The following CSMD1 variants were observed in gnomAD, a reference collection of about 807,000 sequenced individuals.
CSMD1 encodes the protein CUB and sushi domain-containing protein 1.
In CSMD1, 213 loss-of-function variants were observed where a neutral mutation model predicts 417.5. The ratio of observed to expected loss-of-function variants is 0.51; its 90% CI spans 0.46 to 0.57. The LOEUF is 0.57. Ranked by LOEUF, CSMD1 falls within the 20% of genes least tolerant of loss-of-function variation. The pLI is 0.00. For synonymous variants in CSMD1, 2,862 were observed against 1,736.8 expected (o/e 1.65, Z -16.11); for missense variants, 6,923 against 4,529.7 (o/e 1.53, Z -15.17).
intron 51 of CSMD1, among the ~76,000 whole-genome samples, chr8:3,026,201 G>C (rs540008246): frequency 2.6e-5 from 4 of 152,302 alleles, no homozygotes; most frequent in East Asian, 3.9e-4. Flanking sequence ...CTGGTGGGGT[G>C]GGGGACAGAG....
intron 5 of CSMD1, among the ~76,000 whole-genome samples, chr8:3,887,751 T>C (rs145442681): frequency 6.6e-6 from 1 of 152,348 alleles, no homozygotes; most frequent in East Asian, 1.9e-4. Context: ...CTCAGATTAC[T>C]GTAATATCTC....
intron 7 of CSMD1, among the ~76,000 whole-genome samples, chr8:3,671,556 TG>T (rs1240521016): frequency 0.053 from 531 of 10,098 alleles, 91 homozygotes; most frequent in South Asian, 0.066. Flanking sequence ...ATCATATATA[TG>T]ATCATATATA....
rs549429844 is a variant in CSMD1, at chr8:4,487,489, A to C, written c.303-67424T>G. Among the ~76,000 whole-genome samples, 19 of 152,324 alleles carry C rather than the reference A, an allele frequency of 1.2e-4. No homozygotes were observed. In the East Asian group the frequency reaches 3.3e-3, roughly 26 times the overall value. On this transcript the variant is annotated intron_variant, in intron 2 of 69. Transcript: ENST00000635120. ...TTTCATCCATGTCCCTACAAAGGAC[A>C]TGAAGTCATCATATTTTATGGCTGC...
chr8:4,989,888 G>A (rs1266105163), intron 1 of CSMD1, among the ~76,000 whole-genome samples: 1 of 152,172 alleles, frequency 6.6e-6, no homozygotes, highest in Non-Finnish European at 1.5e-5. Flanking sequence ...TTAAAGCTGG[G>A]TTGGTGTTTG....
At chr8:4,428,480 C>T (rs1256110075) in intron 2 of CSMD1, among the ~76,000 whole-genome samples, 3 of 152,142 alleles carry the variant, frequency 2.0e-5, no homozygotes, top group African/African-American at 7.2e-5. Flanking sequence ...AAAAAGGCTG[C>T]ATGCCTGGCA....
intron 8 of CSMD1, among the ~76,000 whole-genome samples, chr8:3,601,480 G>A (rs1801358569): frequency 6.6e-6 from 1 of 152,146 alleles, no homozygotes; most frequent in African/African-American, 2.4e-5. Flanking sequence ...TATCACGGAT[G>A]ACATACACCA....
chr8:4,273,253 A>C (rs1804714400), intron 3 of CSMD1, among the ~76,000 whole-genome samples: 1 of 152,152 alleles, frequency 6.6e-6, no homozygotes, highest in African/African-American at 2.4e-5. Flanking sequence ...AAAGGCAATG[A>C]GCATATTTGT....
At chr8:3,750,557 T>C (rs984468519) in intron 6 of CSMD1, among the ~76,000 whole-genome samples, 1 of 152,206 alleles carries the variant, frequency 6.6e-6, no homozygotes, top group Non-Finnish European at 1.5e-5. Flanking sequence ...CTTTCCTTCT[T>C]TAATGTATTT....
chr8:4,438,868 C>T (rs1798300678), intron 2 of CSMD1, among the ~76,000 whole-genome samples: 1 of 152,158 alleles, frequency 6.6e-6, no homozygotes, highest in African/African-American at 2.4e-5. Flanking sequence ...ATCACGTTCC[C>T]TTGAAAGCAT....
At chr8:3,150,312 G>T (rs568050121) in intron 40 of CSMD1, among the ~76,000 whole-genome samples, 1 of 152,258 alleles carries the variant, frequency 6.6e-6, no homozygotes, top group South Asian at 2.1e-4. Context: ...TCCCCAGGCC[G>T]TCCCCATCGA....
intron 3 of CSMD1, among the ~76,000 whole-genome samples, chr8:4,253,453 C>A (rs371302234): frequency 1.3e-5 from 2 of 152,006 alleles, no homozygotes; most frequent in African/African-American, 4.8e-5. Flanking sequence ...CATATCAGGA[C>A]CTAATAAACA....
chr8:3,219,189 A>G (rs990723700), intron 29 of CSMD1, 66 bp downstream of exon 29: 8 of 1,298,248 alleles, frequency 6.2e-6, no homozygotes, highest in African/African-American at 4.4e-5. Context: ...GTTACAAAGC[A>G]ATGCCTACAA....
At chr8:4,168,030 G>A (rs1034672441) in intron 3 of CSMD1, among the ~76,000 whole-genome samples, 3 of 152,140 alleles carry the variant, frequency 2.0e-5, no homozygotes, top group South Asian at 4.2e-4. Context: ...TCAGGAAGCT[G>A]AGGCCGTAGA....
intron 10 of CSMD1, among the ~76,000 whole-genome samples, chr8:3,503,534 G>T (rs1200332271): frequency 6.6e-6 from 1 of 152,228 alleles, no homozygotes; most frequent in African/African-American, 2.4e-5. Flanking sequence ...AAATCTCCCA[G>T]ATGGTTCTCT....
In CSMD1 at chr8:4,352,925, T is replaced by C. The variant is rs115766528; in HGVS notation, c.415+67028A>G. Among the ~76,000 whole-genome samples the C allele has an allele frequency of 9.5e-3, 1,447 of 152,282 alleles. 25 individuals carry two copies. The highest frequency in any genetic ancestry group is 0.032 in the African/African-American group (1,348 of 41,546). ...CACTAGAAAGATTTAGGCAAAATAT[T>C]TATAAGTAAATACGAGCTTGTAGGG... is the stretch of plus-strand genomic sequence containing the variant. On this transcript the variant is annotated intron_variant, in intron 3 of 69. Transcript: ENST00000635120.
intron 26 of CSMD1, among the ~76,000 whole-genome samples, chr8:3,277,498 A>C (rs932077411): frequency 1.3e-5 from 2 of 152,146 alleles, no homozygotes; most frequent in African/African-American, 4.8e-5. Flanking sequence ...ACTCCACTGA[A>C]TGCATTGTTG....
At chr8:3,565,877 T>C (rs1799683461) in intron 10 of CSMD1, among the ~76,000 whole-genome samples, 1 of 152,190 alleles carries the variant, frequency 6.6e-6, no homozygotes, top group Admixed American at 6.5e-5. Flanking sequence ...ATATCATCTT[T>C]CATAGTTAGA....
chr8:4,159,584 C>T (rs1012559276), intron 3 of CSMD1, among the ~76,000 whole-genome samples: 1 of 152,100 alleles, frequency 6.6e-6, no homozygotes, highest in Non-Finnish European at 1.5e-5. Flanking sequence ...GATGGGATTG[C>T]AGACCATTAT....
chr8:4,435,615 G>A (rs1053171913), intron 2 of CSMD1, among the ~76,000 whole-genome samples: 23 of 152,174 alleles, frequency 1.5e-4, no homozygotes, highest in African/African-American at 4.1e-4. Flanking sequence ...GCACATGAGT[G>A]AATGGTGGAA....
Sources: gnomAD v4.1 joint callset for allele counts (sites outside exome capture counted in the v4.1 genomes callset) on GRCh38, gnomAD v4.1.1 for gene constraint, MANE v1.5 for transcripts, NCBI Gene and HGNC (gene_info 2026-07-23, HGNC 2026-07-21) for gene names.